C8orf34: variants seen among roughly 807,000 people sequenced by gnomAD.
C8orf34 encodes the protein uncharacterized protein C8orf34.
In C8orf34, 65 loss-of-function variants were observed where a neutral mutation model predicts 68.3. That is an observed-to-expected ratio of 0.95 (90% confidence interval 0.78 to 1.17). The LOEUF is 1.17. Among genes scored for constraint, C8orf34 ranks in the 50% most tolerant of loss-of-function variants. The pLI, the probability that C8orf34 is intolerant of heterozygous loss-of-function variation, is 0.00. For missense variants in C8orf34, 664 were observed against 655.4 expected, an observed-to-expected ratio of 1.01 and a Z score of -0.14; for synonymous variants, 244 against 241.2, an observed-to-expected ratio of 1.01 and a Z score of -0.11.
chr8:68,547,048 T>C (rs1312911210), intron 7 of C8orf34, among the ~76,000 whole-genome samples: 1 of 151,296 alleles, frequency 6.6e-6, no homozygotes, highest in African/African-American at 2.4e-5. Context: ...GTAGAAAAAA[T>C]GAAAAATACA....
chr8:68,407,208 G>T (rs1809237944), intron 1 of C8orf34, among the ~76,000 whole-genome samples: 4 of 150,058 alleles, frequency 2.7e-5, no homozygotes, highest in South Asian at 4.2e-4. Context: ...CTTTTTCTAA[G>T]GTTCCTTTTT....
chr8:68,587,411 A>G (rs1054708943), intron 7 of C8orf34, among the ~76,000 whole-genome samples: 8 of 152,146 alleles, frequency 5.3e-5, no homozygotes, highest in African/African-American at 1.9e-4. Flanking sequence ...ATGAGTTTAT[A>G]GAATCTGTGT....
At chr8:68,680,365 GTT>G (rs1820331848) in intron 8 of C8orf34, among the ~76,000 whole-genome samples, 2 of 152,146 alleles carry the variant, frequency 1.3e-5, no homozygotes, top group Admixed American at 6.6e-5. Flanking sequence ...TTCAATGTAG[GTT>G]CTTTCTATTT....
intron 3 of C8orf34, among the ~76,000 whole-genome samples, chr8:68,463,570 G>A (rs977120077): frequency 1.1e-4 from 17 of 152,314 alleles, no homozygotes; most frequent in Non-Finnish European, 1.8e-4. Context: ...GAATCCAGCA[G>A]CATATCAAAA....
chr8:68,728,401 C>T (rs1821892220), intron 10 of C8orf34, among the ~76,000 whole-genome samples: 1 of 152,202 alleles, frequency 6.6e-6, no homozygotes, highest in South Asian at 2.1e-4. Context: ...CTGAGCCCTT[C>T]AAACTGTTCC....
chr8:68,710,315 T>A (rs1821295781), intron 9 of C8orf34, among the ~76,000 whole-genome samples: 1 of 152,188 alleles, frequency 6.6e-6, no homozygotes, highest in Non-Finnish European at 1.5e-5. Context: ...GCTTTCTAGA[T>A]GAGGAGGCTC....
chr8:68,617,357 T>G (rs1188204516), intron 7 of C8orf34, among the ~76,000 whole-genome samples: 1 of 152,232 alleles, frequency 6.6e-6, no homozygotes, highest in Admixed American at 6.5e-5. Context: ...TGCTCGTTAG[T>G]TGATGCAGTT....
intron 10 of C8orf34, among the ~76,000 whole-genome samples, chr8:68,725,172 T>A (rs1343926580): frequency 6.6e-6 from 1 of 152,180 alleles, no homozygotes; most frequent in Non-Finnish European, 1.5e-5. Flanking sequence ...CTTAAAAAAA[T>A]CTATTTTGCT....
chr8:68,733,986 T>C (rs1196160731), intron 10 of C8orf34, among the ~76,000 whole-genome samples: 2 of 152,210 alleles, frequency 1.3e-5, no homozygotes, highest in Non-Finnish European at 2.9e-5. Context: ...TAAATCTGAA[T>C]TTCTGAAACT....
At chr8:68,385,594 T>C (rs1808226718) in intron 1 of C8orf34, among the ~76,000 whole-genome samples, 3 of 152,234 alleles carry the variant, frequency 2.0e-5, no homozygotes, top group Admixed American at 2.0e-4. Context: ...GCTTAATCTT[T>C]GCTTCTGATA....
At chr8:68,695,012 C>T (rs982498443) in intron 8 of C8orf34, among the ~76,000 whole-genome samples, 5 of 151,920 alleles carry the variant, frequency 3.3e-5, no homozygotes, top group East Asian at 3.9e-4. Context: ...ATATTTATTT[C>T]GCAGGGTTAT....
intron 1 of C8orf34, among the ~76,000 whole-genome samples, chr8:68,423,876 G>T (rs1324636382): frequency 6.6e-6 from 1 of 151,876 alleles, no homozygotes; most frequent in Non-Finnish European, 1.5e-5. Flanking sequence ...GTGGAAACAG[G>T]GGCAATGCCA....
At chr8:68,593,614 G>A (rs898534823) in intron 7 of C8orf34, among the ~76,000 whole-genome samples, 7 of 151,648 alleles carry the variant, frequency 4.6e-5, no homozygotes, top group African/African-American at 1.7e-4. Flanking sequence ...AAATCCTCTG[G>A]TATTTTTATA....
intron 8 of C8orf34, among the ~76,000 whole-genome samples, chr8:68,673,472 T>C (rs754954149): frequency 3.9e-5 from 6 of 152,062 alleles, no homozygotes; most frequent in Non-Finnish European, 7.4e-5. Flanking sequence ...ACCTTGGGCC[T>C]TGAATGAACA....
intron 12 of C8orf34, among the ~76,000 whole-genome samples, chr8:68,811,326 A>G (rs1234693983): frequency 2.6e-5 from 4 of 152,204 alleles, no homozygotes; most frequent in African/African-American, 9.6e-5. Context: ...CAGCGGGAGC[A>G]GTCACTTCCG....
chr8:68,774,327 GTGTGTATATA>G (rs1585862518), intron 10 of C8orf34, among the ~76,000 whole-genome samples: 1 of 96,106 alleles, frequency 1.0e-5, no homozygotes, highest in Non-Finnish European at 2.2e-5. Context: ...ATATGGGTGT[GTGTGTATATA>G]TATATATATA....
intron 12 of C8orf34, among the ~76,000 whole-genome samples, chr8:68,801,135 A>G (rs1824315629): frequency 6.6e-6 from 1 of 152,184 alleles, no homozygotes; most frequent in Non-Finnish European, 1.5e-5. Context: ...GGGGTTTCAA[A>G]AGGCACTAAG....
intron 1 of C8orf34, among the ~76,000 whole-genome samples, chr8:68,389,140 C>T (rs1808377696): frequency 6.6e-6 from 1 of 152,112 alleles, no homozygotes. Flanking sequence ...TCTCCTGTCT[C>T]TGCTAGAAAA....
intron 8 of C8orf34, among the ~76,000 whole-genome samples, chr8:68,685,670 A>G (rs1418532105): frequency 6.6e-6 from 1 of 152,008 alleles, no homozygotes; most frequent in Admixed American, 6.6e-5. Flanking sequence ...AGCCTGGGTA[A>G]CATGGTGAAA....
Sources: allele counts gnomAD v4.1 joint callset (sites outside exome capture counted in the v4.1 genomes callset), GRCh38; gene constraint gnomAD v4.1.1; transcripts MANE v1.5; gene names NCBI Gene and HGNC (gene_info 2026-07-23, HGNC 2026-07-21).